NBR1: variants seen among roughly 807,000 people sequenced by gnomAD.
NBR1 encodes next to BRCA1 gene 1 protein.
A neutral mutation model predicts 115.5 loss-of-function variants in NBR1; 59 were observed. The ratio of observed to expected loss-of-function variants is 0.51; its 90% confidence interval spans 0.41 to 0.63. The LOEUF (loss-of-function observed/expected upper bound fraction) is 0.63. NBR1 is among the 30% of genes least tolerant of loss of function. The pLI is 0.00. For synonymous variants in NBR1, 373 were observed against 414.7 expected, an observed-to-expected ratio of 0.90 and a Z score of 1.22; for missense variants, 1,043 against 1,150.5, an observed-to-expected ratio of 0.91 and a Z score of 1.35.
At chr17:43,189,949 T>G (rs1315186400) in intron 8 of NBR1, 147 bp downstream of exon 8, 5 of 678,724 alleles carry the variant, frequency 7.4e-6, no homozygotes, top group Non-Finnish European at 1.3e-5. Context: ...CAAGCTACTC[T>G]TCACCCACAT....
In NBR1 at chr17:43,201,779, A is replaced by T; in HGVS notation, c.2562A>T (p.Gly854=). The T allele has an allele frequency of 6.4e-7, 1 of 1,553,284 alleles. No homozygotes were observed. The highest frequency in any genetic ancestry group is 8.9e-7 in the Non-Finnish European group (1 of 1,125,110). ...CTTCAGTCCCTGATCAGATCAGAGG[A>T]GGTAATGATCAGCCTAAGCTTTTTC... is the stretch of plus-strand genomic sequence containing the variant. ...EVSSVPDQIR[G]EPRGSSGLVN... is the part of the protein sequence containing the mutation. Residue 854 remains glycine, a splice_region_variant and synonymous_variant, in exon 18 of 21, where the codon GGA becomes GGT. Transcript: ENST00000590996.
Position 43,178,083 on chromosome 17 carries a change from T to C in NBR1, c.165+85T>C, listed in dbSNP as rs750189383. ...TGATATGGGCTTTAATAATTCAAAATAGTGTTTAGCTTATTTGTGTGGTGG... is the reference window on the plus strand; with the variant it reads ...TGATATGGGCTTTAATAATTCAAAACAGTGTTTAGCTTATTTGTGTGGTGG... On this transcript the variant is annotated intron_variant, in intron 3 of 20. Coordinates refer to ENST00000590996, the MANE Select transcript of NBR1 (RefSeq NM_005899.5). 7 of 1,448,848 alleles carry C rather than the reference T, an allele frequency of 4.8e-6. No individual in the cohort carries two copies. The East Asian group carries it at 1.3e-4, about 26-fold the overall frequency. The allele number at this position is 1,448,848 out of a possible 1,614,324, so 89.7% of individuals were successfully genotyped here.
chr17:43,192,381 A>G (rs2056969068), intron 10 of NBR1, among the ~76,000 whole-genome samples: 1 of 145,694 alleles, frequency 6.9e-6, no homozygotes, highest in African/African-American at 2.6e-5. Context: ...TTTGTTTTTG[A>G]GACGGAGTCT....
At chr17:43,173,656 T>G (rs1240104072) in intron 1 of NBR1, among the ~76,000 whole-genome samples, 1 of 152,130 alleles carries the variant, frequency 6.6e-6, no homozygotes, top group Non-Finnish European at 1.5e-5. Context: ...ATTTGATCCT[T>G]ATGGTAACAC....
At chr17:43,202,775 T>A in intron 19 of NBR1, 63 bp downstream of exon 19, 1 of 1,313,872 alleles carries the variant, frequency 7.6e-7, no homozygotes, top group Non-Finnish European at 1.1e-6. Context: ...TCCTTCTGCT[T>A]AAAAGAGCCT....
chr17:43,179,526 A>G, intron 4 of NBR1, 114 bp downstream of exon 4: 1 of 987,612 alleles, frequency 1.0e-6, no homozygotes, highest in Non-Finnish European at 1.6e-6. Flanking sequence ...GTGACATTGC[A>G]CTGATGGACA....
At chr17:43,200,998 A>G (rs1487586406) in intron 17 of NBR1, among the ~76,000 whole-genome samples, 2 of 151,724 alleles carry the variant, frequency 1.3e-5, no homozygotes, top group East Asian at 3.9e-4. Context: ...CCCCCTGAGT[A>G]GCTGGGACTA....
chr17:43,171,314 G>A lies in NBR1; in HGVS notation c.-10+12G>A, dbSNP rs527520057. 9.8e-5 allele frequency: 15 copies of A among 152,848 alleles called. No individual in the cohort carries two copies. Among genetic ancestry groups the A allele is most frequent in the African/African-American group, 3.4e-4 (14 of 41,594 alleles). The allele number at this position is 152,848 out of a possible 1,614,324, so 9.5% of individuals were successfully genotyped here. ...GGGGCGGGAAGCTGGTAAGGAAGCA[G>A]CTGCGGTTACCTAGGGGTGGGGTCA... On this transcript the variant is annotated intron_variant, in intron 1 of 20. Coordinates refer to ENST00000590996, the MANE Select transcript of NBR1 (RefSeq NM_005899.5).
chr17:43,180,512 A>G (rs1423906040), intron 4 of NBR1, among the ~76,000 whole-genome samples: 1 of 152,200 alleles, frequency 6.6e-6, no homozygotes, highest in Non-Finnish European at 1.5e-5. Context: ...TAACATATCT[A>G]TCATCTCATT....
intron 7 of NBR1, 99 bp from the exon 8 acceptor site, chr17:43,189,489 T>G (rs1597986493): frequency 8.8e-6 from 7 of 797,830 alleles, no homozygotes; most frequent in South Asian, 5.0e-5. Flanking sequence ...GTTTTTGTAT[T>G]ATACCAGAGA....
intron 3 of NBR1, among the ~76,000 whole-genome samples, chr17:43,179,113 A>G (rs982360001): frequency 9.9e-5 from 15 of 152,170 alleles, no homozygotes; most frequent in Admixed American, 2.0e-4. Flanking sequence ...ATGCACAAAA[A>G]CTTGGAAGTA....
chr17:43,193,623 C>T lies in NBR1; in HGVS notation c.1509C>T (p.Leu503=). 6.2e-7 allele frequency: 1 copy of T among 1,608,098 alleles called. No individual in the cohort carries two copies. The highest frequency in any genetic ancestry group is 8.5e-7 in the Non-Finnish European group (1 of 1,177,096). ...TCAGCTCAAGCAAAACTGATGATCTCACCTGCCAGCAAGAGGTGAGCATTG... is the reference window on the plus strand; with the variant it reads ...TCAGCTCAAGCAAAACTGATGATCTTACCTGCCAGCAAGAGGTGAGCATTG... ...GMISSSKTDD[L]TCQQEETFLL... is the part of the protein sequence containing the mutation. Residue 503 remains leucine, a synonymous_variant, in exon 12 of 21, where the codon CTC becomes CTT. Transcript: ENST00000590996.
rs1240929507 is a variant in NBR1, at chr17:43,194,385, T to C, written c.1560T>C (p.Leu520=). ...TTCTGGCTAAAGAAGAAAGACAGCTTGGTGAAGTGACTGAGCAGACAGAAG... is the reference window on the plus strand; with the variant it reads ...TTCTGGCTAAAGAAGAAAGACAGCTCGGTGAAGTGACTGAGCAGACAGAAG... ...TFLLAKEERQ[L]GEVTEQTEGT... is the part of the protein sequence containing the mutation. The change falls in exon 13 of 21, where the codon CTT becomes CTC. Residue 520 remains leucine, a synonymous_variant. Coordinates refer to ENST00000590996, the MANE Select transcript of NBR1 (RefSeq NM_005899.5). The C allele has an allele frequency of 1.2e-6, 2 of 1,613,836 alleles. No individual in the cohort carries two copies. The highest frequency in any genetic ancestry group is 1.7e-6 in the Non-Finnish European group (2 of 1,179,832).
chr17:43,175,803 G>A lies in NBR1; in HGVS notation c.4G>A (p.Glu2Lys). Residue 2 changes from glutamate (E) to lysine (K), a missense_variant, in exon 2 of 21, where the codon GAA becomes AAA. Glu to Lys is a moderately conservative substitution (Grantham distance 56, BLOSUM62 1). Transcript: ENST00000590996. M[E>K]PQVTLNVTFK... ...TTCTCAACCCTAGCCTCACAGCATG[G>A]AACCACAGGTTACTCTAAATGTGAC... 1 of 1,570,406 alleles carries A rather than the reference G, an allele frequency of 6.4e-7. No homozygotes were observed. The highest frequency in any genetic ancestry group is 8.7e-7 in the Non-Finnish European group (1 of 1,146,166).
In NBR1 at chr17:43,194,457, G is replaced by A. The variant is rs1364778500; in HGVS notation, c.1632G>A (p.Glu544=). Reference sequence around the variant, plus strand: ...AGAAGGCAAAAAATGTTGCCAGTGAGAGGGAGCTCTACATCCCATCTGTGG... The same window carrying A: ...AGAAGGCAAAAAATGTTGCCAGTGAAAGGGAGCTCTACATCCCATCTGTGG... ...IPQKAKNVAS[E]RELYIPSVDL... The change falls in exon 13 of 21, where the codon GAG becomes GAA. Residue 544 remains glutamate (E), a synonymous_variant. Coordinates refer to ENST00000590996, the MANE Select transcript of NBR1 (RefSeq NM_005899.5). 6.2e-7 allele frequency: 1 copy of A among 1,614,030 alleles called. No individual in the cohort carries two copies. Among genetic ancestry groups the A allele is most frequent in the South Asian group, 1.1e-5 (1 of 91,086 alleles).
intron 20 of NBR1, chr17:43,209,466 A>C: frequency 9.6e-7 from 1 of 1,040,118 alleles, no homozygotes; most frequent in Non-Finnish European, 1.4e-6. Context: ...GCTCCTCTGC[A>C]TATCTGACAA....
intron 12 of NBR1, 34 bp from the exon 13 acceptor site, chr17:43,194,316 G>T (rs767972160): frequency 6.3e-7 from 1 of 1,582,914 alleles, no homozygotes; most frequent in Non-Finnish European, 8.6e-7. Flanking sequence ...TCTGTTGAAG[G>T]CCTAAAATTT....
intron 5 of NBR1, among the ~76,000 whole-genome samples, chr17:43,184,227 CTT>C (rs111447417): frequency 5.1e-5 from 7 of 137,314 alleles, no homozygotes; most frequent in Admixed American, 7.4e-5. Flanking sequence ...GATTTTTAAA[CTT>C]TTTTTTTTTT....
intron 6 of NBR1, among the ~76,000 whole-genome samples, chr17:43,187,589 A>G (rs2056847399): frequency 7.0e-6 from 1 of 141,956 alleles, no homozygotes; most frequent in African/African-American, 2.6e-5. Context: ...GCTCACTGCA[A>G]CCTCTGCCTC....
Sources: gnomAD v4.1 joint callset for allele counts (sites outside exome capture counted in the v4.1 genomes callset) on GRCh38, gnomAD v4.1.1 for gene constraint, MANE v1.5 for transcripts, NCBI Gene and HGNC (gene_info 2026-07-23, HGNC 2026-07-21) for gene names.